ZYG11B: variants seen among roughly 807,000 people sequenced by gnomAD.
ZYG11B encodes the protein zyg-11 family member B, cell cycle regulator, also known as protein zyg-11 homolog B.
Under a neutral mutation model 82.4 loss-of-function variants are expected in ZYG11B, and 36 were observed. The observed-to-expected ratio is 0.44, with a 90% confidence interval of 0.33 to 0.58. ZYG11B has a LOEUF of 0.58. Among genes scored for constraint, ZYG11B ranks in the 20% least tolerant of loss-of-function variants. The pLI, the probability that ZYG11B is intolerant of heterozygous loss-of-function variation, is 0.02. For missense variants in ZYG11B, 552 were observed against 895.6 expected (o/e 0.62, Z 4.90); for synonymous variants, 303 against 312.8 (o/e 0.97, Z 0.33).
chr1:52,779,710 G>A lies in ZYG11B; in HGVS notation c.952-143G>A, dbSNP rs192946950. On this transcript the variant is annotated intron_variant, in intron 3 of 13. Transcript: ENST00000294353. ...TCACCATGTTGGCCAGGGTGGTCTC[G>A]AACTCCTGACTTCACATGATCCACC... The A allele has an allele frequency of 3.0e-3, 2,874 of 944,646 alleles. 41 individuals are homozygous for A. Among genetic ancestry groups the A allele is most frequent in the Admixed American group, 0.022 (810 of 37,306 alleles). The allele number at this position is 944,646 out of a possible 1,614,324, so 58.5% of individuals were successfully genotyped here. A position where few individuals can be genotyped will look rare whatever the true frequency, so the allele number is the denominator to read the frequency against.
intron 3 of ZYG11B, among the ~76,000 whole-genome samples, chr1:52,773,445 G>A (rs1644772249): frequency 6.8e-6 from 1 of 147,028 alleles, no homozygotes; most frequent in African/African-American, 2.5e-5. Flanking sequence ...CTGCACTCAA[G>A]CCTGGGTGAC....
chr1:52,772,481 TTCTC>T (rs1644761002), intron 3 of ZYG11B: 9 of 1,590,690 alleles, frequency 5.7e-6, no homozygotes, highest in African/African-American at 1.3e-5. Context: ...CACCATGTGA[TTCTC>T]TCACGATTAC....
chr1:52,772,573 A>G lies in ZYG11B; in HGVS notation c.951+799A>G, dbSNP rs1644761912. On this transcript the variant is annotated intron_variant, in intron 3 of 13. Coordinates refer to ENST00000294353, the MANE Select transcript of ZYG11B (RefSeq NM_024646.3). ...TTCACGTCGTCAGATGTCAACTTCAACCAAGTGGGGAAGCTGCGTCGATAG... is the reference window on the plus strand; with the variant it reads ...TTCACGTCGTCAGATGTCAACTTCAGCCAAGTGGGGAAGCTGCGTCGATAG... 11 of 1,597,346 alleles carry G rather than the reference A, an allele frequency of 6.9e-6. No individual in the cohort carries two copies. The South Asian group carries it at 7.7e-5, about 11-fold the overall frequency.
chr1:52,813,389 A>C (rs1645199829), intron 10 of ZYG11B, 147 bp from the exon 11 acceptor site: 1 of 610,878 alleles, frequency 1.6e-6, no homozygotes, highest in Admixed American at 3.2e-5. Flanking sequence ...GCAGTCTGTA[A>C]ACTGCCCTCA....
chr1:52,800,559 A>G (rs916735953), intron 8 of ZYG11B, among the ~76,000 whole-genome samples: 3 of 151,798 alleles, frequency 2.0e-5, no homozygotes, highest in African/African-American at 7.3e-5. Flanking sequence ...CTGTAATCCT[A>G]GCACTTTGGG....
At chr1:52,800,574 C>T (rs948252057) in intron 8 of ZYG11B, among the ~76,000 whole-genome samples, 32 of 151,402 alleles carry the variant, frequency 2.1e-4, no homozygotes, top group Non-Finnish European at 4.1e-4. Flanking sequence ...TTTGGGAGGC[C>T]GGGGTGGGTG....
In ZYG11B at chr1:52,746,101, G is replaced by A. The variant is rs886464901; in HGVS notation, c.31-10357G>A. ...TCAGCCTCCTGAGTAGCAACTACAG[G>A]CGCGTGCCACCACGCCCAGCTAATT... On this transcript the variant is annotated intron_variant, in intron 1 of 13. Transcript: ENST00000294353. 2.7e-4 allele frequency among the ~76,000 whole-genome samples: 41 copies of A among 152,074 alleles called. 1 individual carries two copies. Among genetic ancestry groups the A allele is most frequent in the African/African-American group, 8.9e-4 (37 of 41,488 alleles).
intron 1 of ZYG11B, among the ~76,000 whole-genome samples, chr1:52,744,799 C>G (rs929031542): frequency 7.2e-5 from 11 of 152,142 alleles, no homozygotes; most frequent in Admixed American, 6.6e-4. Flanking sequence ...GAGCTGAGAT[C>G]GCGTTACTGC....
chr1:52,795,774 C>T (rs1044300578), intron 6 of ZYG11B, among the ~76,000 whole-genome samples: 10 of 152,036 alleles, frequency 6.6e-5, no homozygotes, highest in Non-Finnish European at 1.3e-4. Flanking sequence ...ATATATTTTA[C>T]GTATTTATCT....
At chr1:52,727,910 TC>T (rs1458300564) in intron 1 of ZYG11B, among the ~76,000 whole-genome samples, 1 of 152,138 alleles carries the variant, frequency 6.6e-6, no homozygotes, top group African/African-American at 2.4e-5. Context: ...ATAATTATGT[TC>T]CCCTAGGAGG....
chr1:52,802,929 A>G (rs1300303592), intron 10 of ZYG11B, among the ~76,000 whole-genome samples: 1 of 151,162 alleles, frequency 6.6e-6, no homozygotes, highest in African/African-American at 2.4e-5. Context: ...CTGAGGCAGG[A>G]GAATTGCTTG....
chr1:52,821,338 A>C, intron 13 of ZYG11B, 101 bp from the exon 14 acceptor site: 1 of 1,264,466 alleles, frequency 7.9e-7, no homozygotes, highest in Non-Finnish European at 1.1e-6. Flanking sequence ...AACAGCTAAA[A>C]AAAAATGGCT....
intron 1 of ZYG11B, among the ~76,000 whole-genome samples, chr1:52,755,065 A>C (rs952200769): frequency 6.8e-6 from 1 of 146,920 alleles, no homozygotes; most frequent in Non-Finnish European, 1.5e-5. Flanking sequence ...TGTTCACGCC[A>C]TTCTCCTGCC....
chr1:52,821,504 C>CA lies in ZYG11B; in HGVS notation c.2111dup (p.His704GlnfsTer2), dbSNP rs1395487308. ...GCAGCATTTATACAACATCAAAGATCATGAACATACTGATCCCCATGTCCA... is the reference window on the plus strand; with the variant it reads ...GCAGCATTTATACAACATCAAAGATCAATGAACATACTGATCCCCATGTCCA... On this transcript the variant is annotated frameshift_variant, in exon 14 of 14. Transcript: ENST00000294353. LOFTEE classifies it high-confidence loss of function. 6.2e-7 allele frequency: 1 copy of CA among 1,613,800 alleles called. No individual in the cohort carries two copies. Among genetic ancestry groups the CA allele is most frequent in the Non-Finnish European group, 8.5e-7 (1 of 1,179,948 alleles).
chr1:52,782,019 G>T (rs1482647521), intron 4 of ZYG11B, among the ~76,000 whole-genome samples: 1 of 151,840 alleles, frequency 6.6e-6, no homozygotes, highest in Non-Finnish European at 1.5e-5. Flanking sequence ...GACATTCAGA[G>T]AATGATTCAG....
intron 12 of ZYG11B, among the ~76,000 whole-genome samples, chr1:52,815,876 A>G (rs1469974422): frequency 1.3e-5 from 2 of 152,188 alleles, no homozygotes; most frequent in Non-Finnish European, 2.9e-5. Context: ...CGGAGGTTGC[A>G]GTGAGCTGAG....
chr1:52,817,777 G>GTATGTATATA (rs1645240000), intron 13 of ZYG11B, among the ~76,000 whole-genome samples: 3 of 41,540 alleles, frequency 7.2e-5, no homozygotes, highest in East Asian at 6.3e-4. Context: ...ATATATATGT[G>GTATGTATATA]TATATATATA....
chr1:52,802,060 A>G lies in ZYG11B; in HGVS notation c.1648-32A>G, dbSNP rs538878322. ...GCATTTATTTTATATTTGGTTCTTC[A>G]GGTAATTATAGGTTTCTTTTTCTTT... On this transcript the variant is annotated intron_variant, in intron 9 of 13. Transcript: ENST00000294353. 7.6e-6 allele frequency: 12 copies of G among 1,584,900 alleles called. No individual in the cohort carries two copies. In the South Asian group the frequency reaches 9.4e-5, roughly 12 times the overall value.
chr1:52,758,296 T>C (rs1398457640), intron 2 of ZYG11B, among the ~76,000 whole-genome samples: 1 of 152,112 alleles, frequency 6.6e-6, no homozygotes, highest in Non-Finnish European at 1.5e-5. Context: ...GAATAGAATG[T>C]AAATTTGCCA....
Sources: gnomAD v4.1 joint callset for allele counts (sites outside exome capture counted in the v4.1 genomes callset) on GRCh38, gnomAD v4.1.1 for gene constraint, MANE v1.5 for transcripts, NCBI Gene and HGNC (gene_info 2026-07-23, HGNC 2026-07-21) for gene names.